ZNF679: variants seen among roughly 807,000 people sequenced by gnomAD.
ZNF679 encodes the protein zinc finger protein 679.
Under a neutral mutation model 13.4 loss-of-function variants are expected in ZNF679, and 10 were observed. That is an observed-to-expected ratio of 0.75 (90% CI 0.46 to 1.27). The LOEUF is 1.27. ZNF679 is among the 50% of genes most tolerant of loss of function. ZNF679 has a pLI of 0.00. For missense variants in ZNF679, 525 were observed against 477.8 expected (o/e 1.10, Z -0.92); for synonymous variants, 179 against 162.5 (o/e 1.10, Z -0.77).
At position 64,265,916 on chromosome 7, in the gene ZNF679, C is replaced by G; in HGVS notation, c.283C>G (p.Gln95Glu). Reference protein sequence around the residue: ...KHPVMCSHFTQDLPPELGIKD... With the variant: ...KHPVMCSHFTEDLPPELGIKD... ...TTCAGTTATGTGTTCTCATTTCACC[C>G]AAGACCTTCCGCCAGAGCTAGGCAT... The change falls in exon 5 of 5, where the codon CAA becomes GAA. Residue 95 changes from glutamine to glutamate, a missense_variant. Gln to Glu is a conservative substitution (Grantham distance 29). Coordinates refer to ENST00000421025, the MANE Select transcript of ZNF679 (RefSeq NM_153363.3). 6.2e-7 allele frequency: 1 copy of G among 1,613,566 alleles called. No homozygotes were observed. The highest frequency in any genetic ancestry group is 1.1e-5 in the South Asian group (1 of 91,056).
intron 2 of ZNF679, among the ~76,000 whole-genome samples, chr7:64,259,763 A>G (rs1788050166): frequency 6.6e-6 from 1 of 152,058 alleles, no homozygotes; most frequent in Admixed American, 6.6e-5. Flanking sequence ...CCCCATCTCT[A>G]CTAAAAATAC....
rs1787904015 is a variant in ZNF679 at position 64,248,924 on chromosome 7, C to G, written c.-90-104C>G. 3.1e-5 allele frequency: 25 copies of G among 811,524 alleles called. 1 individual carries two copies. In the South Asian group the frequency reaches 4.6e-4, roughly 15 times the overall value. The allele number at this position is 811,524 out of a possible 1,614,324, so 50.3% of individuals were successfully genotyped here. A position where few individuals can be genotyped will look rare whatever the true frequency, so the allele number is the denominator to read the frequency against. ...TGAAGGGTGGGTCCTGAAACCTTATCCAATCAGGGGCCATATATTAGAAAC... is the reference window on the plus strand; with the variant it reads ...TGAAGGGTGGGTCCTGAAACCTTATGCAATCAGGGGCCATATATTAGAAAC... On this transcript the variant is annotated intron_variant, in intron 1 of 4. Transcript: ENST00000421025.
chr7:64,263,098 A>AT (rs992604325), intron 4 of ZNF679, among the ~76,000 whole-genome samples: 8 of 150,128 alleles, frequency 5.3e-5, no homozygotes, highest in East Asian at 2.0e-4. Context: ...CTCTTCTTAA[A>AT]TTTTTTTTTT....
chr7:64,247,341 C>G (rs1787883032), intron 1 of ZNF679, among the ~76,000 whole-genome samples: 1 of 152,170 alleles, frequency 6.6e-6, no homozygotes, highest in Non-Finnish European at 1.5e-5. Context: ...TGCAGTTGCT[C>G]TGGTTCAAAC....
At chr7:64,229,063 G>T (rs1219628652) in intron 1 of ZNF679, among the ~76,000 whole-genome samples, 1 of 152,118 alleles carries the variant, frequency 6.6e-6, no homozygotes, top group Non-Finnish European at 1.5e-5. Flanking sequence ...ATGGATCCAA[G>T]ATCTTACCCG....
intron 1 of ZNF679, among the ~76,000 whole-genome samples, chr7:64,245,429 G>GAGAC (rs1376824529): frequency 6.7e-6 from 1 of 150,112 alleles, no homozygotes; most frequent in Non-Finnish European, 1.5e-5. Flanking sequence ...GAAAGAGAGA[G>GAGAC]AGAGAGAGAG....
chr7:64,250,265 G>GTTTTTT (rs11434714), intron 2 of ZNF679, among the ~76,000 whole-genome samples: 11 of 91,318 alleles, frequency 1.2e-4, no homozygotes, highest in Non-Finnish European at 1.8e-4. Flanking sequence ...CTTTCCCTTG[G>GTTTTTT]TTTTTTTTTT....
intron 2 of ZNF679, among the ~76,000 whole-genome samples, chr7:64,251,158 A>C (rs1179035544): frequency 6.6e-6 from 1 of 152,114 alleles, no homozygotes; most frequent in Non-Finnish European, 1.5e-5. Flanking sequence ...TATTTCACAT[A>C]AGAAGAAAGC....
intron 4 of ZNF679, among the ~76,000 whole-genome samples, chr7:64,265,047 T>TAATA (rs1419254336): frequency 6.6e-6 from 1 of 152,120 alleles, no homozygotes; most frequent in Non-Finnish European, 1.5e-5. Flanking sequence ...TTATCTTATG[T>TAATA]TTTTAAAATT....
chr7:64,254,025 A>G (rs937405301), intron 2 of ZNF679, among the ~76,000 whole-genome samples: 16 of 152,222 alleles, frequency 1.1e-4, no homozygotes, highest in African/African-American at 1.7e-4. Context: ...AGAAAATACA[A>G]CACCATCTAA....
At position 64,249,097 on chromosome 7, in the gene ZNF679, T is replaced by C. The variant is rs754779231; in HGVS notation, c.-21T>C. On this transcript the variant is annotated 5_prime_UTR_variant, in exon 2 of 5. Coordinates refer to ENST00000421025, the MANE Select transcript of ZNF679 (RefSeq NM_153363.3). ...AGGCCAAGCCACTGTGGCCTTGTGT[T>C]CTGCAGGTATCCGCAGATTTATGGC... The C allele has an allele frequency of 2.7e-5, 43 of 1,613,982 alleles. No homozygotes were observed. Among genetic ancestry groups the C allele is most frequent in the Middle Eastern group, 1.6e-4 (1 of 6,082 alleles).
At chr7:64,237,764 T>C (rs936864942) in intron 1 of ZNF679, among the ~76,000 whole-genome samples, 5 of 152,194 alleles carry the variant, frequency 3.3e-5, no homozygotes, top group African/African-American at 1.2e-4. Context: ...AGCAGCTATC[T>C]ATAAATTATG....
chr7:64,260,445 C>T (rs1295067060), intron 3 of ZNF679, 98 bp downstream of exon 3: 1 of 1,506,508 alleles, frequency 6.6e-7, no homozygotes, highest in Non-Finnish European at 8.8e-7. Context: ...TGAATTTTAG[C>T]TCTCTGATTT....
Position 64,266,309 on chromosome 7 carries a change from A to G in ZNF679, c.676A>G (p.Thr226Ala), listed in dbSNP as rs1426870606. 1.2e-6 allele frequency: 2 copies of G among 1,610,870 alleles called. No individual in the cohort carries two copies. The highest frequency in any genetic ancestry group is 3.4e-5 in the Admixed American group (2 of 59,354). Residue 226 changes from threonine to alanine, a missense_variant, in exon 5 of 5, where the codon ACC becomes GCC. Physicochemically the swap from Thr to Ala is moderately conservative, Grantham distance 58. Transcript: ENST00000421025. Reference protein sequence around the residue: ...ECGKPFNCSSTLSKHKRIHTG... With the variant: ...ECGKPFNCSSALSKHKRIHTG... ...CGGCAAACCCTTCAACTGCTCTTCA[A>G]CCCTTTCTAAACATAAAAGAATTCA...
intron 1 of ZNF679, among the ~76,000 whole-genome samples, chr7:64,235,974 A>T (rs1030152852): frequency 2.0e-5 from 3 of 152,184 alleles, no homozygotes; most frequent in Admixed American, 1.3e-4. Context: ...TTCTTTTTTT[A>T]AAAAAGAAGA....
chr7:64,231,452 A>G (rs955503144), intron 1 of ZNF679, among the ~76,000 whole-genome samples: 2 of 151,896 alleles, frequency 1.3e-5, no homozygotes, highest in African/African-American at 4.8e-5. Flanking sequence ...CCAGGCAGGA[A>G]AAGAGAGTCA....
At chr7:64,237,138 G>C (rs747130747) in intron 1 of ZNF679, among the ~76,000 whole-genome samples, 1 of 152,138 alleles carries the variant, frequency 6.6e-6, no homozygotes, top group Admixed American at 6.6e-5. Context: ...AGATGGGAGG[G>C]ATGGATGACC....
intron 2 of ZNF679, among the ~76,000 whole-genome samples, chr7:64,255,409 C>T (rs1021515969): frequency 6.6e-6 from 1 of 152,140 alleles, no homozygotes; most frequent in Non-Finnish European, 1.5e-5. Flanking sequence ...TACACGTTTC[C>T]TGGCATATCC....
At chr7:64,242,619 C>A (rs1238949940) in intron 1 of ZNF679, among the ~76,000 whole-genome samples, 11 of 152,172 alleles carry the variant, frequency 7.2e-5, no homozygotes, top group African/African-American at 2.7e-4. Context: ...CTATTTTGCT[C>A]TCTCCCTATA....
Sources: gnomAD v4.1 joint callset for allele counts (sites outside exome capture counted in the v4.1 genomes callset) on GRCh38, gnomAD v4.1.1 for gene constraint, MANE v1.5 for transcripts, NCBI Gene and HGNC (gene_info 2026-07-23, HGNC 2026-07-21) for gene names.